Variants in CEP112 observed in about 807,000 individuals in gnomAD.
CEP112 encodes centrosomal protein 112, also known as centrosomal protein of 112 kDa.
CEP112 carries 127 observed loss-of-function variants against 153.0 expected under a neutral mutation model. The ratio of observed to expected loss-of-function variants is 0.83; its 90% CI spans 0.72 to 0.96. CEP112 has a LOEUF of 0.96. Among genes scored for constraint, CEP112 ranks in the 40% least tolerant of loss-of-function variants. The pLI, the probability that CEP112 is intolerant of heterozygous loss-of-function variation, is 0.00. For synonymous variants in CEP112, 358 were observed against 374.4 expected, an observed-to-expected ratio of 0.96 and a Z score of 0.51; for missense variants, 1,089 against 1,101.2, an observed-to-expected ratio of 0.99 and a Z score of 0.16.
chr17:65,904,832 G>A (rs1332028713), intron 19 of CEP112, among the ~76,000 whole-genome samples: 1 of 152,176 alleles, frequency 6.6e-6, no homozygotes, highest in African/African-American at 2.4e-5. Context: ...TGACAAACCT[G>A]ACAAAAACGA....
rs232157 is a variant in CEP112, at chr17:65,710,722, C to T, written c.2608-21504G>A. Reference sequence around the variant, plus strand: ...GCAAGAGAGCATTGGTGTTAAGGCTCGTGGCAGGCTGGATGTCACAGTGGG... The same window carrying T: ...GCAAGAGAGCATTGGTGTTAAGGCTTGTGGCAGGCTGGATGTCACAGTGGG... On this transcript the variant is annotated intron_variant, in intron 23 of 26. Coordinates refer to ENST00000535342, the MANE Select transcript of CEP112 (RefSeq NM_001199165.4). 9.7e-3 allele frequency among the ~76,000 whole-genome samples: 1,474 copies of T among 152,256 alleles called. 17 individuals carry two copies. Among genetic ancestry groups the T allele is most frequent in the African/African-American group, 0.033 (1,382 of 41,542 alleles).
At chr17:65,941,026 G>A (rs1387080630) in intron 18 of CEP112, among the ~76,000 whole-genome samples, 1 of 151,880 alleles carries the variant, frequency 6.6e-6, no homozygotes. Flanking sequence ...ATTATGATTT[G>A]TCAATTAAAA....
At chr17:66,103,998 A>C (rs373031931) in intron 6 of CEP112, among the ~76,000 whole-genome samples, 3 of 152,156 alleles carry the variant, frequency 2.0e-5, no homozygotes. Flanking sequence ...AGCGAACTCC[A>C]CCACCACCAT....
At chr17:65,931,623 C>T (rs1010594062) in intron 18 of CEP112, among the ~76,000 whole-genome samples, 4 of 152,204 alleles carry the variant, frequency 2.6e-5, no homozygotes, top group African/African-American at 9.7e-5. Flanking sequence ...AGTGGAGGCA[C>T]CCAACCAGAG....
At chr17:65,787,535 A>G (rs34114137) in intron 21 of CEP112, among the ~76,000 whole-genome samples, 51,444 of 152,074 alleles carry the variant, frequency 0.34, 10,069 homozygotes, top group Middle Eastern at 0.47. Context: ...TTAAATCTAT[A>G]GGTCAAATTG....
chr17:65,666,394 A>G (rs913155303), intron 24 of CEP112, among the ~76,000 whole-genome samples: 1 of 151,784 alleles, frequency 6.6e-6, no homozygotes, highest in Non-Finnish European at 1.5e-5. Flanking sequence ...CATACTTAGT[A>G]GCCAACATTA....
At chr17:65,690,949 C>T (rs1023491490) in intron 23 of CEP112, among the ~76,000 whole-genome samples, 1 of 151,946 alleles carries the variant, frequency 6.6e-6, no homozygotes, top group Non-Finnish European at 1.5e-5. Context: ...AAGGCAGAGG[C>T]AGAGAGCAGG....
At chr17:66,132,252 GAACA>G (rs1275022101) in intron 5 of CEP112, among the ~76,000 whole-genome samples, 1 of 136,872 alleles carries the variant, frequency 7.3e-6, no homozygotes, top group Non-Finnish European at 1.5e-5. Flanking sequence ...AATCTATGTT[GAACA>G]AATAGATGCA....
At chr17:66,142,081 T>A (rs529780655) in intron 4 of CEP112, among the ~76,000 whole-genome samples, 3 of 152,312 alleles carry the variant, frequency 2.0e-5, no homozygotes, top group African/African-American at 7.2e-5. Context: ...TTCTAACAGG[T>A]GTGAGTGATA....
At chr17:66,189,502 CAA>C (rs36115506) in intron 1 of CEP112, among the ~76,000 whole-genome samples, 219 of 119,956 alleles carry the variant, frequency 1.8e-3, no homozygotes, top group Middle Eastern at 3.9e-3. Context: ...AACTCTGTCT[CAA>C]AAAAAAAAAA....
At chr17:65,909,317 G>A (rs2060196319) in intron 19 of CEP112, among the ~76,000 whole-genome samples, 1 of 152,192 alleles carries the variant, frequency 6.6e-6, no homozygotes, top group African/African-American at 2.4e-5. Flanking sequence ...AGTAGGGAGA[G>A]TGGTTCTCCA....
At chr17:65,700,054 T>C (rs1331724939) in intron 23 of CEP112, among the ~76,000 whole-genome samples, 3 of 152,068 alleles carry the variant, frequency 2.0e-5, no homozygotes, top group African/African-American at 7.2e-5. Flanking sequence ...CACCATGTCA[T>C]GCTGTCCTCC....
At chr17:65,919,911 G>A (rs954013688) in intron 19 of CEP112, among the ~76,000 whole-genome samples, 27 of 152,170 alleles carry the variant, frequency 1.8e-4, no homozygotes, top group South Asian at 1.0e-3. Context: ...TTTAGAGTGG[G>A]GGTCAAGGGC....
chr17:66,099,504 C>CAAAAAAAAAA (rs71160532), intron 6 of CEP112, among the ~76,000 whole-genome samples: 3 of 113,962 alleles, frequency 2.6e-5, no homozygotes, highest in South Asian at 3.3e-4. Context: ...AACTCTGTCT[C>CAAAAAAAAAA]AAAAAAAAAA....
chr17:66,037,035 T>C (rs1184723968), intron 12 of CEP112, among the ~76,000 whole-genome samples: 1 of 152,168 alleles, frequency 6.6e-6, no homozygotes, highest in Non-Finnish European at 1.5e-5. Context: ...TTCTACTCAT[T>C]TCTAAGCCCC....
chr17:65,827,866 G>A (rs1444892465), intron 21 of CEP112, among the ~76,000 whole-genome samples: 1 of 152,004 alleles, frequency 6.6e-6, no homozygotes, highest in Non-Finnish European at 1.5e-5. Flanking sequence ...TGCCTCACTC[G>A]ACTCCTTCAA....
intron 21 of CEP112, chr17:65,826,580 G>A (rs557682254): frequency 7.9e-7 from 1 of 1,263,240 alleles, no homozygotes; most frequent in Admixed American, 4.1e-5. Flanking sequence ...CACCTTCTTT[G>A]TGATTCTGGT....
At chr17:66,001,342 A>G (rs2064039569) in intron 17 of CEP112, among the ~76,000 whole-genome samples, 1 of 152,200 alleles carries the variant, frequency 6.6e-6, no homozygotes. Flanking sequence ...GATGTTCGAT[A>G]TTAGACCTTT....
chr17:65,851,383 T>A (rs533160291), intron 21 of CEP112, among the ~76,000 whole-genome samples: 42 of 152,344 alleles, frequency 2.8e-4, no homozygotes, highest in South Asian at 4.1e-4. Context: ...TCATCATTTA[T>A]GTGACACTGT....
Sources: gnomAD v4.1 joint callset for allele counts (sites outside exome capture counted in the v4.1 genomes callset) on GRCh38, gnomAD v4.1.1 for gene constraint, MANE v1.5 for transcripts, NCBI Gene and HGNC (gene_info 2026-07-23, HGNC 2026-07-21) for gene names.